EPB41L1: variants seen among roughly 807,000 people sequenced by gnomAD.
EPB41L1 encodes the protein band 4.1-like protein 1.
Under a neutral mutation model 97.8 loss-of-function variants are expected in EPB41L1, and 29 were observed. That is an observed-to-expected ratio of 0.30 (90% CI 0.22 to 0.40). The LOEUF (loss-of-function observed/expected upper bound fraction) is 0.40, where lower values mean the gene tolerates loss of function less well. Ranked by LOEUF, EPB41L1 falls within the 10% of genes least tolerant of loss-of-function variation. The probability of loss-of-function intolerance (pLI) is 1.00; values close to 1 mark genes in which losing one functional copy is unlikely to be tolerated. For missense variants in EPB41L1, 812 were observed against 1,162.3 expected (o/e 0.70, Z 4.38); for synonymous variants, 383 against 459.2 (o/e 0.83, Z 2.12).
At chr20:36,178,123 C>A in intron 4 of EPB41L1, 67 bp downstream of exon 4, 1 of 1,147,556 alleles carries the variant, frequency 8.7e-7, no homozygotes, top group Non-Finnish European at 1.3e-6. Flanking sequence ...TGGCCACCCC[C>A]AACAGCATCC....
intron 1 of EPB41L1, among the ~76,000 whole-genome samples, chr20:36,164,431 C>T (rs1001031741): frequency 1.3e-5 from 2 of 152,222 alleles, no homozygotes; most frequent in African/African-American, 4.8e-5. Context: ...CTCCTCCCTC[C>T]CCTGCCCCCC....
At chr20:36,114,094 A>G (rs1300657328) in intron 2 of EPB41L1, among the ~76,000 whole-genome samples, 1 of 152,178 alleles carries the variant, frequency 6.6e-6, no homozygotes, top group Non-Finnish European at 1.5e-5. Context: ...GCTCTACAGT[A>G]ATGGTCTCAT....
intron 2 of EPB41L1, among the ~76,000 whole-genome samples, chr20:36,126,270 G>A (rs2058963092): frequency 1.3e-5 from 2 of 152,062 alleles, no homozygotes; most frequent in South Asian, 2.1e-4. Flanking sequence ...TAACAAAGCT[G>A]GGGATTTTAT....
chr20:36,110,456 C>T (rs1016346649), intron 1 of EPB41L1, among the ~76,000 whole-genome samples: 1 of 152,134 alleles, frequency 6.6e-6, no homozygotes, highest in East Asian at 1.9e-4. Context: ...TGCCCAGTCC[C>T]CAGAGAGGGC....
At chr20:36,111,216 C>A (rs1397827088) in intron 1 of EPB41L1, among the ~76,000 whole-genome samples, 2 of 152,210 alleles carry the variant, frequency 1.3e-5, no homozygotes, top group Non-Finnish European at 2.9e-5. Context: ...AGAATTCAAA[C>A]AGGTCTGAGT....
chr20:36,118,836 T>A (rs187182262), intron 2 of EPB41L1, among the ~76,000 whole-genome samples: 9 of 152,342 alleles, frequency 5.9e-5, no homozygotes, highest in Non-Finnish European at 1.2e-4. Context: ...CACATTTGTT[T>A]GATCCTCACA....
At chr20:36,204,205 G>A (rs1383876144) in intron 14 of EPB41L1, among the ~76,000 whole-genome samples, 1 of 152,146 alleles carries the variant, frequency 6.6e-6, no homozygotes, top group Non-Finnish European at 1.5e-5. Context: ...GGCTCTAGTT[G>A]GGGCAGTGAG....
At chr20:36,180,081 C>T (rs2061417081) in intron 5 of EPB41L1, among the ~76,000 whole-genome samples, 2 of 152,220 alleles carry the variant, frequency 1.3e-5, no homozygotes. Flanking sequence ...GCAGCCCCTG[C>T]CAGCACAGCC....
chr20:36,173,719 A>T, intron 1 of EPB41L1, 45 bp from the exon 2 acceptor site: 3 of 1,579,284 alleles, frequency 1.9e-6, no homozygotes, highest in South Asian at 2.2e-5. Flanking sequence ...CTGTCATACC[A>T]TTGCTGTCCC....
chr20:36,207,449 A>G lies in EPB41L1; in HGVS notation c.1669-2039A>G. 2 of 1,289,802 alleles carry G rather than the reference A, an allele frequency of 1.6e-6. No individual in the cohort carries two copies. Among genetic ancestry groups the G allele is most frequent in the Non-Finnish European group, 2.0e-6 (2 of 988,866 alleles). The allele number at this position is 1,289,802 out of a possible 1,614,324, so 79.9% of individuals were successfully genotyped here. On this transcript the variant is annotated intron_variant, in intron 14 of 21. Transcript: ENST00000338074. The surrounding 1 kb of genome is among the most constrained non-coding windows in gnomAD (Gnocchi z 4.9). The stretch of plus-strand genomic sequence containing the variant: ...GATATTAGCAAGACCTCAGTGGCCA[A>G]CAAAATTCGGATATTTGAGACCCAC...
chr20:36,128,972 G>A (rs1005992876), intron 2 of EPB41L1, among the ~76,000 whole-genome samples: 1 of 152,102 alleles, frequency 6.6e-6, no homozygotes, highest in African/African-American at 2.4e-5. Context: ...TGGAGAGAGG[G>A]AGGAAGGGGC....
intron 13 of EPB41L1, among the ~76,000 whole-genome samples, chr20:36,197,143 G>A (rs1381612256): frequency 3.3e-5 from 5 of 152,248 alleles, no homozygotes; most frequent in Non-Finnish European, 5.9e-5. Flanking sequence ...GGTCCAGGGT[G>A]GTTGGGGAAG....
chr20:36,113,625 T>G (rs1255713433), intron 2 of EPB41L1: 2 of 152,536 alleles, frequency 1.3e-5, no homozygotes, highest in Non-Finnish European at 2.9e-5. Flanking sequence ...ATTTGGCTCC[T>G]TCCTACAGGG....
At chr20:36,096,209 A>T (rs1444352083) in intron 1 of EPB41L1, among the ~76,000 whole-genome samples, 2 of 152,138 alleles carry the variant, frequency 1.3e-5, no homozygotes, top group Non-Finnish European at 2.9e-5. Context: ...AAACACTTGG[A>T]AAGCCTCCCC....
chr20:36,206,445 T>C lies in EPB41L1; in HGVS notation c.1669-3043T>C, dbSNP rs1254906172. The C allele has an allele frequency of 8.5e-6, 11 of 1,289,824 alleles. No individual in the cohort carries two copies. The highest frequency in any genetic ancestry group is 1.1e-5 in the Non-Finnish European group (11 of 988,882). 79.9% of individuals were successfully genotyped at this position (1,289,824 alleles called of 1,614,324 possible). A position where few individuals can be genotyped will look rare whatever the true frequency, so the allele number is the denominator to read the frequency against. On this transcript the variant is annotated intron_variant, in intron 14 of 21. Transcript: ENST00000338074. The surrounding 1 kb of genome is among the most constrained non-coding windows in gnomAD (Gnocchi z 5.5). The stretch of plus-strand genomic sequence containing the variant: ...CCAGAGCTGAGTTGAGCAATGAAAC[T>C]GATACTTCCTTTGCAGAGAGGAGCT...
At chr20:36,220,579 G>A (rs1364128813) in intron 19 of EPB41L1, among the ~76,000 whole-genome samples, 1 of 152,156 alleles carries the variant, frequency 6.6e-6, no homozygotes, top group Admixed American at 6.5e-5. Context: ...GTGAACATAG[G>A]TTTAAGGAGA....
At chr20:36,173,007 T>C (rs973425437) in intron 1 of EPB41L1, among the ~76,000 whole-genome samples, 3 of 152,222 alleles carry the variant, frequency 2.0e-5, no homozygotes, top group Non-Finnish European at 4.4e-5. Context: ...GGTCCTTGAC[T>C]CTCTGAAATC....
At chr20:36,136,189 G>C (rs917825536) in intron 2 of EPB41L1, among the ~76,000 whole-genome samples, 11 of 151,818 alleles carry the variant, frequency 7.2e-5, no homozygotes, top group African/African-American at 2.7e-4. Flanking sequence ...CTTGTTTTTT[G>C]AGGGAGGGTC....
Position 36,209,520 on chromosome 20 carries a change from A to C in EPB41L1, c.1701A>C (p.Lys567Asn). The part of the protein sequence containing the change: ...RAGLREGSEE[K>N]VKPPRPRAPE... Reference sequence around the variant, plus strand: ...GGCTGAGGGAGGGCTCCGAGGAGAAAGTCAAACCACCACGTCCCCGGGCCC... The same window carrying C: ...GGCTGAGGGAGGGCTCCGAGGAGAACGTCAAACCACCACGTCCCCGGGCCC... Residue 567 changes from lysine (K) to asparagine (N), a missense_variant, in exon 15 of 22, where the codon AAA becomes AAC. Physicochemically the swap from Lys to Asn is moderately conservative, Grantham distance 94. Transcript: ENST00000338074. The surrounding 1 kb of genome is among the most constrained non-coding windows in gnomAD (Gnocchi z 4.2). 1 of 1,614,008 alleles carries C rather than the reference A, an allele frequency of 6.2e-7. No homozygotes were observed. The highest frequency in any genetic ancestry group is 1.1e-5 in the South Asian group (1 of 91,068).
Sources: allele counts gnomAD v4.1 joint callset (sites outside exome capture counted in the v4.1 genomes callset), GRCh38; gene constraint gnomAD v4.1.1; non-coding constraint Gnocchi (gnomAD v3.1); transcripts MANE v1.5; gene names NCBI Gene and HGNC (gene_info 2026-07-23, HGNC 2026-07-21).